The following TNS1 variants were observed in gnomAD, a reference collection of about 807,000 sequenced individuals.
TNS1 encodes the protein tensin-1.
TNS1 carries 62 observed loss-of-function variants against 168.6 expected under a neutral mutation model. The ratio of observed to expected loss-of-function variants is 0.37; its 90% CI spans 0.30 to 0.45. The LOEUF (loss-of-function observed/expected upper bound fraction) is 0.45, where lower values mean the gene tolerates loss of function less well. TNS1 is among the 20% of genes least tolerant of loss of function. The pLI is 1.00. For synonymous variants in TNS1, 934 were observed against 933.2 expected, an observed-to-expected ratio of 1.00 and a Z score of -0.02; for missense variants, 2,240 against 2,339.4, an observed-to-expected ratio of 0.96 and a Z score of 0.88.
At chr2:217,853,703 C>T (rs1175892221) in intron 18 of TNS1, among the ~76,000 whole-genome samples, 1 of 152,200 alleles carries the variant, frequency 6.6e-6, no homozygotes, top group East Asian at 1.9e-4. Flanking sequence ...CCAGACTCCA[C>T]CCTCGATGCT....
chr2:217,923,349 TAA>T (rs1168628539), intron 3 of TNS1, among the ~76,000 whole-genome samples: 3 of 152,098 alleles, frequency 2.0e-5, no homozygotes, highest in Non-Finnish European at 4.4e-5. Flanking sequence ...AACATAGCAA[TAA>T]AAATCACAGC....
chr2:217,912,807 C>T (rs1019944227), intron 4 of TNS1, among the ~76,000 whole-genome samples: 14 of 152,276 alleles, frequency 9.2e-5, no homozygotes, highest in South Asian at 2.1e-4. Context: ...AGCCTAATCA[C>T]GAAAACAAGG....
At chr2:217,865,648 C>T (rs1211873173) in intron 18 of TNS1, among the ~76,000 whole-genome samples, 1 of 152,208 alleles carries the variant, frequency 6.6e-6, no homozygotes, top group African/African-American at 2.4e-5. Context: ...ATTGGGCAGT[C>T]TGAAGCTCCC....
chr2:217,970,763 T>C (rs1256946833), intron 3 of TNS1, among the ~76,000 whole-genome samples: 1 of 152,114 alleles, frequency 6.6e-6, no homozygotes, highest in East Asian at 1.9e-4. Context: ...GTACAGGGTT[T>C]CTTTCCGAGC....
intron 1 of TNS1, among the ~76,000 whole-genome samples, chr2:218,021,046 A>G (rs1365874099): frequency 1.3e-5 from 2 of 152,232 alleles, no homozygotes; most frequent in Non-Finnish European, 2.9e-5. Context: ...AAGGCCTTGG[A>G]ACTGTTAAAG....
At chr2:217,810,399 G>A (rs1209050989) in intron 28 of TNS1, 80 bp from the exon 29 acceptor site, 2 of 1,369,420 alleles carry the variant, frequency 1.5e-6, no homozygotes, top group African/African-American at 1.4e-5. Flanking sequence ...GGTGAGCTCT[G>A]CAACTCTTTG....
intron 4 of TNS1, among the ~76,000 whole-genome samples, chr2:217,910,059 C>A (rs532793398): frequency 9.3e-4 from 141 of 152,332 alleles, no homozygotes; most frequent in African/African-American, 3.2e-3. Flanking sequence ...CCCTCTCCAG[C>A]CCACCCTGCC....
chr2:218,021,177 A>G (rs1958803749), intron 1 of TNS1, among the ~76,000 whole-genome samples: 1 of 152,046 alleles, frequency 6.6e-6, no homozygotes, highest in Non-Finnish European at 1.5e-5. Flanking sequence ...AGCTCTGCAC[A>G]GCCCTTGGGG....
At chr2:218,011,131 C>T (rs1332320910), upstream of TNS1, among the ~76,000 whole-genome samples, 2 of 152,190 alleles carry the variant, frequency 1.3e-5, no homozygotes, top group Non-Finnish European at 2.9e-5. Flanking sequence ...GCCTCCACTT[C>T]ACATCTTCTC....
chr2:218,011,364 A>G (rs1958704594), upstream of TNS1, among the ~76,000 whole-genome samples: 1 of 152,104 alleles, frequency 6.6e-6, no homozygotes, highest in Admixed American at 6.5e-5. Context: ...GGAGAGCTGG[A>G]GGGGCACCCA....
chr2:217,925,502 C>T (rs1955971658), intron 3 of TNS1, among the ~76,000 whole-genome samples: 1 of 152,174 alleles, frequency 6.6e-6, no homozygotes, highest in African/African-American at 2.4e-5. Flanking sequence ...ACTCACCTGG[C>T]CCCTGGGACT....
chr2:217,922,045 G>A (rs1333054616), intron 3 of TNS1, among the ~76,000 whole-genome samples: 1 of 152,174 alleles, frequency 6.6e-6, no homozygotes, highest in Non-Finnish European at 1.5e-5. Flanking sequence ...GAACAGAACT[G>A]CCCCCAGAAG....
At chr2:217,967,590 A>T (rs1957680016) in intron 3 of TNS1, among the ~76,000 whole-genome samples, 1 of 152,304 alleles carries the variant, frequency 6.6e-6, no homozygotes, top group South Asian at 2.1e-4. Flanking sequence ...CTAGAAAGGC[A>T]TAAACTACCA....
intron 21 of TNS1, among the ~76,000 whole-genome samples, chr2:217,834,831 C>T (rs879513541): frequency 6.6e-6 from 1 of 152,162 alleles, no homozygotes; most frequent in Non-Finnish European, 1.5e-5. Flanking sequence ...AATGTGGGAG[C>T]CCAGAGTCCC....
intron 6 of TNS1, among the ~76,000 whole-genome samples, chr2:217,905,616 G>A (rs1243818539): frequency 6.6e-6 from 1 of 152,216 alleles, no homozygotes; most frequent in African/African-American, 2.4e-5. Context: ...CCCAGGGCGG[G>A]TGAAGACGGA....
At chr2:217,890,764 G>A (rs535071999) in intron 12 of TNS1, 198 bp downstream of exon 12, 95 of 608,374 alleles carry the variant, frequency 1.6e-4, no homozygotes, top group African/African-American at 1.1e-3. Flanking sequence ...GCCAATCTGC[G>A]GGCACACACC....
intron 1 of TNS1, among the ~76,000 whole-genome samples, chr2:217,996,925 A>G (rs940937243): frequency 7.1e-6 from 1 of 140,714 alleles, no homozygotes; most frequent in Non-Finnish European, 1.5e-5. Context: ...TACCCAGCCC[A>G]CCCTGCCAGT....
chr2:217,853,659 G>A (rs1399524337), intron 18 of TNS1, among the ~76,000 whole-genome samples: 1 of 152,176 alleles, frequency 6.6e-6, no homozygotes, highest in African/African-American at 2.4e-5. Context: ...GTCTGAGGAT[G>A]TCTCCCTGCT....
Position 217,802,164 on chromosome 2 carries a change from T to C in TNS1, c.*2295A>G, listed in dbSNP as rs1937582949. ...AGGGGATGGGAAATATCTCCTATCT[T>C]GGAAGATAATTGGGGTTTGCTAGGG... On this transcript the variant is annotated 3_prime_UTR_variant, in exon 33 of 33. Coordinates refer to ENST00000682258, the MANE Select transcript of TNS1 (RefSeq NM_001387777.1). The C allele has an allele frequency of 6.6e-6, 1 of 152,198 alleles. No homozygotes were observed. The highest frequency in any genetic ancestry group is 1.5e-5 in the Non-Finnish European group (1 of 68,036). The allele number at this position is 152,198 out of a possible 1,614,324, so 9.4% of individuals were successfully genotyped here.
Sources: allele counts gnomAD v4.1 joint callset (sites outside exome capture counted in the v4.1 genomes callset), GRCh38; gene constraint gnomAD v4.1.1; transcripts MANE v1.5; gene names NCBI Gene and HGNC (gene_info 2026-07-23, HGNC 2026-07-21).